ZNF846: variants seen among roughly 807,000 people sequenced by gnomAD.
ZNF846 encodes the protein zinc finger protein 846.
In ZNF846, 15 loss-of-function variants were observed where a neutral mutation model predicts 16.0. That is an observed-to-expected ratio of 0.94 (90% CI 0.63 to 1.45). The LOEUF (loss-of-function observed/expected upper bound fraction) is 1.45. ZNF846 is among the 40% of genes most tolerant of loss of function. The pLI, the probability that ZNF846 is intolerant of heterozygous loss-of-function variation, is 0.00. For synonymous variants in ZNF846, 229 were observed against 212.0 expected, an observed-to-expected ratio of 1.08 and a Z score of -0.70; for missense variants, 714 against 622.3, an observed-to-expected ratio of 1.15 and a Z score of -1.57.
rs953663420 is a variant in ZNF846 at position 9,773,876 on chromosome 19, A to G, written c.-85-8841T>C. The stretch of plus-strand genomic sequence containing the variant: ...GCAGATGATGTGATATTATATATGG[A>G]AAGCCCTAGAGAATAAAATAATAAG... On this transcript the variant is annotated intron_variant, in intron 1 of 4. Transcript: ENST00000586814. 2.0e-4 allele frequency among the ~76,000 whole-genome samples: 30 copies of G among 152,242 alleles called. 1 individual carries two copies. Among genetic ancestry groups the G allele is most frequent in the African/African-American group, 7.2e-4 (30 of 41,460 alleles).
chr19:9,772,848 G>A (rs115954857), upstream of ZNF846, among the ~76,000 whole-genome samples: 1,766 of 152,174 alleles, frequency 0.012, 23 homozygotes, highest in African/African-American at 0.04. Context: ...TGAGGTGGAG[G>A]TTGCATTGCC....
intron 1 of ZNF846, among the ~76,000 whole-genome samples, chr19:9,778,402 A>G (rs368562935): frequency 1.7e-4 from 26 of 152,346 alleles, no homozygotes; most frequent in East Asian, 1.2e-3. Flanking sequence ...ATGTCTCCAG[A>G]CATTGCTAAC....
chr19:9,761,771 T>A (rs1018987048), intron 4 of ZNF846, among the ~76,000 whole-genome samples: 14 of 150,824 alleles, frequency 9.3e-5, no homozygotes, highest in Middle Eastern at 3.5e-3. Flanking sequence ...AAACTGAGGC[T>A]GGTAGTAAGC....
downstream of ZNF846, among the ~76,000 whole-genome samples, chr19:9,752,736 C>T (rs1375995419): frequency 1.3e-5 from 2 of 149,348 alleles, no homozygotes; most frequent in African/African-American, 2.5e-5. Context: ...TTATCTCATA[C>T]ATTATTTAAT....
At chr19:9,756,345 G>GTGTATATATATATA (rs1321690890), downstream of ZNF846, 64 of 81,736 alleles carry the variant, frequency 7.8e-4, no homozygotes, top group African/African-American at 2.7e-3. Context: ...GTGTGTGTGT[G>GTGTATATATATATA]TATATATATA....
chr19:9,776,139 G>A (rs1047435924), intron 1 of ZNF846, among the ~76,000 whole-genome samples: 6 of 152,274 alleles, frequency 3.9e-5, no homozygotes, highest in Admixed American at 6.5e-5. Context: ...ATGGTCTAGC[G>A]GTAGCGAAAA....
upstream of ZNF846, chr19:9,768,772 T>C (rs1018755742): frequency 6.6e-6 from 1 of 152,326 alleles, no homozygotes; most frequent in African/African-American, 2.4e-5. Flanking sequence ...CGCTTCCGGT[T>C]GCGCACGGCA....
intron 2 of ZNF846, 30 bp downstream of exon 2, chr19:9,764,906 A>G (rs2045290135): frequency 1.2e-6 from 2 of 1,613,576 alleles, no homozygotes; most frequent in South Asian, 2.2e-5. Flanking sequence ...CAAGCATAAC[A>G]TTTTGAAGTT....
At chr19:9,758,005 T>G in exon 6 of ZNF846, 1 of 1,613,556 alleles carries the variant, frequency 6.2e-7, no homozygotes. Flanking sequence ...CTGTGAATCC[T>G]TACATGTTTT....
At chr19:9,751,579 C>T (rs1021377469), downstream of ZNF846, among the ~76,000 whole-genome samples, 17 of 151,850 alleles carry the variant, frequency 1.1e-4, no homozygotes, top group African/African-American at 4.1e-4. Context: ...CCCTGCTCTT[C>T]TGAATGTACT....
chr19:9,783,540 A>ATATATATAT (rs1415322257), intron 1 of ZNF846, among the ~76,000 whole-genome samples: 300 of 120,290 alleles, frequency 2.5e-3, no homozygotes, highest in African/African-American at 8.1e-3. Flanking sequence ...AAAAAAAAAA[A>ATATATATAT]AAAAATATAT....
At chr19:9,777,648 C>G (rs571311413) in intron 1 of ZNF846, among the ~76,000 whole-genome samples, 1 of 143,750 alleles carries the variant, frequency 7.0e-6, no homozygotes, top group Non-Finnish European at 1.5e-5. Flanking sequence ...TCCAGCCTGG[C>G]AACAAAGTGA....
At chr19:9,755,210 C>A (rs142428110), downstream of ZNF846, among the ~76,000 whole-genome samples, 8 of 151,400 alleles carry the variant, frequency 5.3e-5, no homozygotes, top group Non-Finnish European at 1.2e-4. Context: ...ACTGTCCAGT[C>A]CTCACTCCTC....
intron 1 of ZNF846, among the ~76,000 whole-genome samples, chr19:9,785,027 T>C (rs1048187673): frequency 1.3e-5 from 2 of 152,114 alleles, no homozygotes; most frequent in Admixed American, 1.3e-4. Context: ...GATCTCTCTT[T>C]TCCCCACAAG....
chr19:9,784,423 T>C (rs566817217), intron 1 of ZNF846, among the ~76,000 whole-genome samples: 2 of 152,324 alleles, frequency 1.3e-5, no homozygotes, highest in South Asian at 4.1e-4. Flanking sequence ...AACATCTCAG[T>C]GCAGTATTGC....
downstream of ZNF846, among the ~76,000 whole-genome samples, chr19:9,755,822 A>AAC (rs1568319550): frequency 2.2e-5 from 3 of 136,362 alleles, no homozygotes; most frequent in Non-Finnish European, 4.6e-5. Flanking sequence ...AAAAAAAAAA[A>AAC]AAAAAAAAAA....
chr19:9,755,908 T>C (rs1234403480), downstream of ZNF846, among the ~76,000 whole-genome samples: 1 of 144,742 alleles, frequency 6.9e-6, no homozygotes, highest in Admixed American at 6.8e-5. Flanking sequence ...TGGCAAAATC[T>C]TGGCTCACTG....
intron 1 of ZNF846, among the ~76,000 whole-genome samples, chr19:9,777,567 A>T (rs1568330101): frequency 1.3e-5 from 2 of 151,798 alleles, no homozygotes; most frequent in Admixed American, 1.3e-4. Context: ...GCTACTTGGG[A>T]GGCTGAGGCA....
downstream of ZNF846, among the ~76,000 whole-genome samples, chr19:9,753,267 T>TATTTA (rs397808535): frequency 6.7e-6 from 1 of 149,086 alleles, no homozygotes. Context: ...TTTATTTATT[T>TATTTA]TTGACATGGA....
Sources: allele counts gnomAD v4.1 joint callset (sites outside exome capture counted in the v4.1 genomes callset), GRCh38; gene constraint gnomAD v4.1.1; transcripts MANE v1.5; gene names NCBI Gene and HGNC (gene_info 2026-07-23, HGNC 2026-07-21).